Variants in CA10 observed in about 807,000 individuals in gnomAD.
CA10 encodes the protein carbonic anhydrase 10 (inactive).
Under a neutral mutation model 44.2 loss-of-function variants are expected in CA10, and 14 were observed. The ratio of observed to expected loss-of-function variants is 0.32; its 90% CI spans 0.21 to 0.50. The LOEUF (loss-of-function observed/expected upper bound fraction) is 0.50, where lower values mean the gene tolerates loss of function less well. CA10 is among the 20% of genes least tolerant of loss of function. The probability of loss-of-function intolerance (pLI) is 0.99; values close to 1 mark genes in which losing one functional copy is unlikely to be tolerated. For missense variants in CA10, 350 were observed against 409.7 expected, an observed-to-expected ratio of 0.85 and a Z score of 1.26; for synonymous variants, 159 against 141.6, an observed-to-expected ratio of 1.12 and a Z score of -0.87.
chr17:52,025,142 TA>T, intron 2 of CA10, among the ~76,000 whole-genome samples: 1 of 152,058 alleles, frequency 6.6e-6, no homozygotes, highest in East Asian at 1.9e-4. Flanking sequence ...AAGGTCAAGG[TA>T]AAAAGGGAAG....
chr17:51,681,753 A>G (rs1359148788), intron 4 of CA10, among the ~76,000 whole-genome samples: 1 of 152,202 alleles, frequency 6.6e-6, no homozygotes, highest in East Asian at 1.9e-4. Context: ...TAGTAGTAAA[A>G]TATGGGCTTT....
intron 2 of CA10, among the ~76,000 whole-genome samples, chr17:51,970,406 A>G (rs1984238953): frequency 6.6e-6 from 1 of 152,052 alleles, no homozygotes; most frequent in Non-Finnish European, 1.5e-5. Flanking sequence ...TTCCTCTTAC[A>G]CATGAGGAAT....
At chr17:51,918,134 A>C (rs1982076213) in intron 3 of CA10, among the ~76,000 whole-genome samples, 1 of 152,200 alleles carries the variant, frequency 6.6e-6, no homozygotes, top group Admixed American at 6.5e-5. Context: ...ACAAACACTG[A>C]ATTGATTTCT....
Position 52,157,609 on chromosome 17 carries a change from A to G in CA10, c.61+117T>C, listed in dbSNP as rs996936111. ...ATTCTGAAGGCGGCAAACCCGCAGA[A>G]CTCAAAGGGTCTCGCCACCCCTCTC... On this transcript the variant is annotated intron_variant, in intron 1 of 8. Transcript: ENST00000451037. 40 of 885,928 alleles carry G rather than the reference A, an allele frequency of 4.5e-5. No individual in the cohort carries two copies. In the Admixed American group the frequency reaches 6.2e-4, roughly 14 times the overall value. 54.9% of individuals were successfully genotyped at this position (885,928 alleles called of 1,614,324 possible). A position where few individuals can be genotyped will look rare whatever the true frequency, so the allele number is the denominator to read the frequency against.
intron 2 of CA10, among the ~76,000 whole-genome samples, chr17:52,061,197 C>T (rs746513909): frequency 5.3e-5 from 8 of 151,988 alleles, no homozygotes; most frequent in Non-Finnish European, 1.2e-4. Flanking sequence ...CTAGATTATC[C>T]AGATGGGCCA....
intron 3 of CA10, among the ~76,000 whole-genome samples, chr17:51,878,674 C>G (rs1216090608): frequency 6.6e-6 from 1 of 151,382 alleles, no homozygotes; most frequent in Non-Finnish European, 1.5e-5. Context: ...TTTAATTACT[C>G]AATCAGATTA....
chr17:51,849,289 T>TACATACA (rs1598080124), intron 3 of CA10, among the ~76,000 whole-genome samples: 1 of 141,264 alleles, frequency 7.1e-6, no homozygotes, highest in East Asian at 2.1e-4. Flanking sequence ...TGGAGTCCTT[T>TACATACA]TAAATATATG....
At chr17:52,143,897 T>C (rs1207257185) in intron 1 of CA10, among the ~76,000 whole-genome samples, 2 of 152,220 alleles carry the variant, frequency 1.3e-5, no homozygotes, top group Non-Finnish European at 1.5e-5. Context: ...AGTTTGCTTG[T>C]CTTTACTTAA....
chr17:51,689,255 A>G (rs1203787240), intron 4 of CA10, among the ~76,000 whole-genome samples: 1 of 152,218 alleles, frequency 6.6e-6, no homozygotes, highest in East Asian at 1.9e-4. Flanking sequence ...TTTACAAAGC[A>G]GAGATTTTAA....
intron 2 of CA10, among the ~76,000 whole-genome samples, chr17:52,052,452 T>C (rs1042060151): frequency 6.6e-6 from 1 of 151,978 alleles, no homozygotes; most frequent in Non-Finnish European, 1.5e-5. Flanking sequence ...TGGCTTATTA[T>C]CATTCAGGGC....
intron 1 of CA10, among the ~76,000 whole-genome samples, chr17:52,112,518 T>C (rs1354629373): frequency 6.6e-6 from 1 of 152,182 alleles, no homozygotes; most frequent in African/African-American, 2.4e-5. Flanking sequence ...TTATAGAAAA[T>C]GTTTGCTGAC....
chr17:51,848,119 T>G (rs1028582667), intron 3 of CA10, among the ~76,000 whole-genome samples: 4 of 152,190 alleles, frequency 2.6e-5, no homozygotes, highest in African/African-American at 9.7e-5. Context: ...CATGCAATAT[T>G]TTTAAAAGCC....
At chr17:51,669,159 G>T (rs77354390) in intron 4 of CA10, among the ~76,000 whole-genome samples, 1 of 152,220 alleles carries the variant, frequency 6.6e-6, no homozygotes, top group Non-Finnish European at 1.5e-5. Flanking sequence ...CAGCTCTGCC[G>T]GGCGGCCCAG....
intron 3 of CA10, among the ~76,000 whole-genome samples, chr17:51,766,207 C>T (rs1050924261): frequency 2.0e-5 from 3 of 152,138 alleles, no homozygotes; most frequent in African/African-American, 7.2e-5. Context: ...AGCAAGGACT[C>T]CATGTTCAGG....
intron 3 of CA10, among the ~76,000 whole-genome samples, chr17:51,900,667 T>G (rs1981274192): frequency 6.6e-6 from 1 of 152,186 alleles, no homozygotes; most frequent in South Asian, 2.1e-4. Flanking sequence ...TGCCAGTAAG[T>G]AGCAGATTTT....
chr17:51,991,536 G>T (rs1028026555), intron 2 of CA10, among the ~76,000 whole-genome samples: 1 of 152,110 alleles, frequency 6.6e-6, no homozygotes, highest in South Asian at 2.1e-4. Context: ...TAAGCCAAAC[G>T]TGGTGGCTCA....
At chr17:51,897,741 G>T (rs1981134625) in intron 3 of CA10, among the ~76,000 whole-genome samples, 1 of 152,062 alleles carries the variant, frequency 6.6e-6, no homozygotes, top group East Asian at 1.9e-4. Context: ...TGATTTCCTT[G>T]AGAAGTGTTT....
At chr17:51,823,881 G>A (rs978970727) in intron 3 of CA10, among the ~76,000 whole-genome samples, 2 of 152,168 alleles carry the variant, frequency 1.3e-5, no homozygotes, top group African/African-American at 2.4e-5. Flanking sequence ...AGACATAACT[G>A]TCTCACTTAT....
intron 1 of CA10, among the ~76,000 whole-genome samples, chr17:52,100,604 T>C (rs1354840063): frequency 6.6e-6 from 1 of 152,156 alleles, no homozygotes; most frequent in East Asian, 1.9e-4. Context: ...CATAAAAATG[T>C]CTTAAAATTA....
Sources: allele counts gnomAD v4.1 joint callset (sites outside exome capture counted in the v4.1 genomes callset), GRCh38; gene constraint gnomAD v4.1.1; transcripts MANE v1.5; gene names NCBI Gene and HGNC (gene_info 2026-07-23, HGNC 2026-07-21).